ANO10: variants seen among roughly 807,000 people sequenced by gnomAD.
The protein encoded by ANO10 is anoctamin 10, also known as anoctamin-10.
ANO10 carries 77 observed loss-of-function variants against 74.7 expected under a neutral mutation model. The observed-to-expected ratio is 1.03, with a 90% CI of 0.86 to 1.25. The LOEUF (loss-of-function observed/expected upper bound fraction) is 1.25. Ranked by LOEUF, ANO10 falls within the 50% of genes most tolerant of loss-of-function variation. The pLI, the probability that ANO10 is intolerant of heterozygous loss-of-function variation, is 0.00. For synonymous variants in ANO10, 279 were observed against 284.9 expected, an observed-to-expected ratio of 0.98 and a Z score of 0.21; for missense variants, 721 against 778.1, an observed-to-expected ratio of 0.93 and a Z score of 0.87.
At chr3:43,432,790 T>C (rs558823614) in intron 11 of ANO10, 63 bp from the exon 12 acceptor site, 4 of 1,079,946 alleles carry the variant, frequency 3.7e-6, no homozygotes, top group South Asian at 2.5e-5. Flanking sequence ...AGGAAATAAA[T>C]TGATATCTAA....
intron 11 of ANO10, among the ~76,000 whole-genome samples, chr3:43,499,618 T>G (rs775342648): frequency 1.3e-4 from 20 of 151,670 alleles, no homozygotes; most frequent in South Asian, 4.2e-4. Context: ...TACCAAAAAC[T>G]GTAAGACACC....
intron 12 of ANO10, among the ~76,000 whole-genome samples, chr3:43,395,496 T>C (rs1392636483): frequency 1.3e-5 from 2 of 152,236 alleles, no homozygotes; most frequent in Non-Finnish European, 2.9e-5. Flanking sequence ...GTTCATTTTT[T>C]TGCACATGAA....
intron 11 of ANO10, among the ~76,000 whole-genome samples, chr3:43,446,464 CTT>C (rs2093247823): frequency 6.6e-6 from 1 of 152,148 alleles, no homozygotes; most frequent in South Asian, 2.1e-4. Context: ...AGAGTTACAA[CTT>C]TTTATAACTG....
At position 43,491,462 on chromosome 3, in the gene ANO10, C is replaced by T. The variant is rs544727164; in HGVS notation, c.1797+58258G>A. Among the ~76,000 whole-genome samples, 4 of 152,178 alleles carry T rather than the reference C, an allele frequency of 2.6e-5. No homozygotes were observed. The South Asian group carries it at 8.3e-4, about 32-fold the overall frequency. On this transcript the variant is annotated intron_variant, in intron 11 of 12. Transcript: ENST00000292246. ...CAGGGAGGTGGGGGCTGCAGTGAGC[C>T]AAGATTGCGCCATTGCACTCCAGCC...
intron 11 of ANO10, among the ~76,000 whole-genome samples, chr3:43,491,198 T>C (rs1353432485): frequency 6.6e-6 from 1 of 152,118 alleles, no homozygotes; most frequent in Non-Finnish European, 1.5e-5. Flanking sequence ...TCCAAGACCC[T>C]GGAAGTATGC....
chr3:43,658,748 A>G (rs1276797980), intron 1 of ANO10, among the ~76,000 whole-genome samples: 1 of 152,144 alleles, frequency 6.6e-6, no homozygotes, highest in Non-Finnish European at 1.5e-5. Context: ...GACCACAGGC[A>G]TTAGCCACCA....
At chr3:43,611,489 G>A (rs1384872165) in intron 1 of ANO10, among the ~76,000 whole-genome samples, 1 of 152,176 alleles carries the variant, frequency 6.6e-6, no homozygotes, top group Non-Finnish European at 1.5e-5. Flanking sequence ...CTAACTATTA[G>A]AATTGATTAA....
chr3:43,506,815 A>T (rs891453521), intron 11 of ANO10, among the ~76,000 whole-genome samples: 1 of 151,892 alleles, frequency 6.6e-6, no homozygotes, highest in African/African-American at 2.4e-5. Flanking sequence ...TTAAAACTAT[A>T]CCACCACCCC....
At chr3:43,584,527 G>C (rs1378254806) in intron 4 of ANO10, among the ~76,000 whole-genome samples, 1 of 152,158 alleles carries the variant, frequency 6.6e-6, no homozygotes, top group Non-Finnish European at 1.5e-5. Flanking sequence ...CAGTGTGAGA[G>C]AGCTAGTGTA....
chr3:43,427,158 T>TA (rs1440949948), intron 12 of ANO10, among the ~76,000 whole-genome samples: 1 of 151,962 alleles, frequency 6.6e-6, no homozygotes, highest in African/African-American at 2.4e-5. Flanking sequence ...TATATAAAAA[T>TA]AAAAAACTGA....
intron 12 of ANO10, among the ~76,000 whole-genome samples, chr3:43,374,140 A>G (rs1339440326): frequency 6.6e-6 from 1 of 152,092 alleles, no homozygotes; most frequent in African/African-American, 2.4e-5. Context: ...CATCAGTCCT[A>G]TGCTTCCTAG....
At chr3:43,664,134 T>C (rs530373720) in intron 1 of ANO10, among the ~76,000 whole-genome samples, 1 of 152,244 alleles carries the variant, frequency 6.6e-6, no homozygotes, top group South Asian at 2.1e-4. Context: ...CAAACTATAG[T>C]ACAAGGCTAC....
chr3:43,542,246 C>T (rs957807728), intron 11 of ANO10, among the ~76,000 whole-genome samples: 8 of 151,808 alleles, frequency 5.3e-5, no homozygotes, highest in Admixed American at 4.6e-4. Context: ...GGGAGAGAGC[C>T]GAAACAAATA....
chr3:43,399,773 G>C (rs2092446961), intron 12 of ANO10, among the ~76,000 whole-genome samples: 2 of 152,104 alleles, frequency 1.3e-5, no homozygotes, highest in African/African-American at 4.8e-5. Flanking sequence ...GAGCCCCCAG[G>C]GCACAGATGT....
chr3:43,401,358 T>G (rs1252761003), intron 12 of ANO10, among the ~76,000 whole-genome samples: 11 of 152,218 alleles, frequency 7.2e-5, no homozygotes, highest in Admixed American at 7.2e-4. Context: ...AGGCTGAAGT[T>G]CTGTTATTAA....
chr3:43,389,854 G>A (rs1366661234), intron 12 of ANO10, among the ~76,000 whole-genome samples: 1 of 152,180 alleles, frequency 6.6e-6, no homozygotes, highest in East Asian at 1.9e-4. Context: ...CGTGTTCCGG[G>A]CTGGGAGGAA....
chr3:43,543,421 G>T (rs890170514), intron 11 of ANO10, among the ~76,000 whole-genome samples: 1 of 152,088 alleles, frequency 6.6e-6, no homozygotes, highest in Non-Finnish European at 1.5e-5. Flanking sequence ...ACGGAGTCTC[G>T]CTCTGTCACC....
At chr3:43,453,431 G>A (rs866294850) in intron 11 of ANO10, among the ~76,000 whole-genome samples, 10 of 151,926 alleles carry the variant, frequency 6.6e-5, no homozygotes, top group African/African-American at 2.2e-4. Context: ...TGCCCACCTC[G>A]GCCTCCCAAA....
At chr3:43,678,478 A>G (rs2084150953) in intron 1 of ANO10, among the ~76,000 whole-genome samples, 1 of 152,306 alleles carries the variant, frequency 6.6e-6, no homozygotes, top group Middle Eastern at 3.4e-3. Flanking sequence ...TTATCTATAG[A>G]TTCCAGACAT....
Sources: gnomAD v4.1 joint callset for allele counts (sites outside exome capture counted in the v4.1 genomes callset) on GRCh38, gnomAD v4.1.1 for gene constraint, MANE v1.5 for transcripts, NCBI Gene and HGNC (gene_info 2026-07-23, HGNC 2026-07-21) for gene names.